Variants in HIP1 observed in about 807,000 individuals in gnomAD.
The protein encoded by HIP1 is huntingtin-interacting protein 1.
HIP1 carries 65 observed loss-of-function variants against 147.6 expected under a neutral mutation model. The ratio of observed to expected loss-of-function variants is 0.44; its 90% CI spans 0.36 to 0.54. The LOEUF (loss-of-function observed/expected upper bound fraction) is 0.54. Among genes scored for constraint, HIP1 ranks in the 20% least tolerant of loss-of-function variants. HIP1 has a pLI of 0.00. For missense variants in HIP1, 1,061 were observed against 1,299.6 expected, an observed-to-expected ratio of 0.82 and a Z score of 2.82; for synonymous variants, 479 against 504.0, an observed-to-expected ratio of 0.95 and a Z score of 0.67.
chr7:75,556,241 A>G (rs1241413202), intron 17 of HIP1, 72 bp from the exon 18 acceptor site: 3 of 1,549,014 alleles, frequency 1.9e-6, no homozygotes, highest in Non-Finnish European at 2.6e-6. Context: ...CAGAGGTCCA[A>G]CCCACCACCG....
At chr7:75,731,401 T>A (rs1801831893) in intron 1 of HIP1, among the ~76,000 whole-genome samples, 1 of 145,968 alleles carries the variant, frequency 6.9e-6, no homozygotes, top group African/African-American at 2.6e-5. Context: ...GAGAACCACT[T>A]GAACCCAGGA....
chr7:75,688,618 A>G (rs1554517824), intron 1 of HIP1, among the ~76,000 whole-genome samples: 2 of 151,910 alleles, frequency 1.3e-5, no homozygotes, highest in African/African-American at 4.8e-5. Flanking sequence ...TCTGGCCCCG[A>G]GCCCACCACC....
intron 1 of HIP1, among the ~76,000 whole-genome samples, chr7:75,659,402 TA>T (rs1799236647): frequency 6.6e-6 from 1 of 152,236 alleles, no homozygotes; most frequent in Non-Finnish European, 1.5e-5. Context: ...CTTACACCTG[TA>T]ATCCCAGCAC....
At chr7:75,557,803 G>A in intron 15 of HIP1, 33 bp from the exon 16 acceptor site, 2 of 1,511,292 alleles carry the variant, frequency 1.3e-6, no homozygotes, top group Middle Eastern at 1.7e-4. Context: ...TGAACCAGGA[G>A]ATCCCAGGCT....
At chr7:75,687,836 CCCTACT>C (rs1800317984) in intron 1 of HIP1, among the ~76,000 whole-genome samples, 2 of 152,270 alleles carry the variant, frequency 1.3e-5, no homozygotes, top group Admixed American at 1.3e-4. Flanking sequence ...TCTTCCCAGC[CCCTACT>C]CCTGAACCCT....
intron 2 of HIP1, among the ~76,000 whole-genome samples, chr7:75,597,770 C>G (rs1796802134): frequency 1.4e-5 from 2 of 140,436 alleles, no homozygotes; most frequent in South Asian, 4.7e-4. Context: ...CCCAACTCTG[C>G]TTGCCCGGAA....
At chr7:75,629,660 A>C (rs1317407113) in intron 1 of HIP1, among the ~76,000 whole-genome samples, 42 of 151,768 alleles carry the variant, frequency 2.8e-4, no homozygotes, top group Non-Finnish European at 8.8e-5. Flanking sequence ...CTCGTGCCTC[A>C]GCCTCCTGAA....
In HIP1 at chr7:75,536,284, G is replaced by A. The variant is rs1436243013; in HGVS notation, c.*1888C>T. On this transcript the variant is annotated 3_prime_UTR_variant, in exon 31 of 31. Coordinates refer to ENST00000336926, the MANE Select transcript of HIP1 (RefSeq NM_005338.7). ...GTCACACGTCTGAGTATGGTCATCC[G>A]AGGTCCTGGGAGAGAGTTTTTTGAA... 1.0e-5 allele frequency: 2 copies of A among 195,534 alleles called. No homozygotes were observed. Among genetic ancestry groups the A allele is most frequent in the Admixed American group, 6.5e-5 (1 of 15,418 alleles). 12.1% of individuals were successfully genotyped at this position (195,534 alleles called of 1,614,324 possible). A position where few individuals can be genotyped will look rare whatever the true frequency, so the allele number is the denominator to read the frequency against.
chr7:75,682,231 C>G (rs1245085157), intron 1 of HIP1, among the ~76,000 whole-genome samples: 1 of 151,454 alleles, frequency 6.6e-6, no homozygotes, highest in African/African-American at 2.4e-5. Flanking sequence ...GCTGGGATTT[C>G]AGGCATGAGT....
At chr7:75,728,520 C>T (rs62477609) in intron 1 of HIP1, among the ~76,000 whole-genome samples, 3 of 152,118 alleles carry the variant, frequency 2.0e-5, no homozygotes, top group Admixed American at 1.3e-4. Flanking sequence ...CCCAGGTCTC[C>T]GCCACACCTC....
At chr7:75,602,304 T>C (rs1373847433) in intron 1 of HIP1, among the ~76,000 whole-genome samples, 5 of 53,394 alleles carry the variant, frequency 9.4e-5, no homozygotes, top group Admixed American at 5.9e-4. Flanking sequence ...CCTGGCCAGC[T>C]TTTTTTTTTT....
chr7:75,709,804 C>T (rs1373854167), intron 1 of HIP1, among the ~76,000 whole-genome samples: 5 of 152,240 alleles, frequency 3.3e-5, no homozygotes, highest in Admixed American at 2.0e-4. Flanking sequence ...TTGAATGTGA[C>T]GTCTGCTGTG....
At position 75,559,760 on chromosome 7, in the gene HIP1, C is replaced by A; in HGVS notation, c.1347G>T (p.Lys449Asn). Reference sequence around the variant, plus strand: ...CTATCTCAGACAGGCTCCGCTGAGCCTTCTCGGTGTCCTCCCGCTGCCTCC... The same window carrying A: ...CTATCTCAGACAGGCTCCGCTGAGCATTCTCGGTGTCCTCCCGCTGCCTCC... Reference protein sequence around the residue: ...ELRRQREDTEKAQRSLSEIER... With the variant: ...ELRRQREDTENAQRSLSEIER... Residue 449 changes from lysine to asparagine, a missense_variant, in exon 14 of 31, where the codon AAG (lysine) becomes AAT (asparagine). Lys to Asn is a moderately conservative substitution (Grantham distance 94, BLOSUM62 0). Around this residue, in one of 3 missense-constraint regions of HIP1, gnomAD observed 810 missense variants for 946.8 expected, o/e 0.86. Coordinates refer to ENST00000336926, the MANE Select transcript of HIP1 (RefSeq NM_005338.7). 6.2e-7 allele frequency: 1 copy of A among 1,604,088 alleles called. No homozygotes were observed. The highest frequency in any genetic ancestry group is 8.5e-7 in the Non-Finnish European group (1 of 1,177,898).
intron 14 of HIP1, among the ~76,000 whole-genome samples, chr7:75,558,642 C>A (rs1795109615): frequency 6.6e-6 from 1 of 152,152 alleles, no homozygotes; most frequent in African/African-American, 2.4e-5. Flanking sequence ...TTTAGGAATG[C>A]ATATATGCTT....
intron 7 of HIP1, among the ~76,000 whole-genome samples, chr7:75,576,050 G>T (rs139429154): frequency 6.6e-6 from 1 of 152,112 alleles, no homozygotes; most frequent in Non-Finnish European, 1.5e-5. Context: ...CAGGAACCAC[G>T]GGCTGTTCCA....
rs148737901 is a variant in HIP1, at chr7:75,666,750, G to A, written c.121-67503C>T. 1.4e-4 allele frequency among the ~76,000 whole-genome samples: 22 copies of A among 152,212 alleles called. No individual in the cohort carries two copies. The East Asian group carries it at 2.9e-3, about 20-fold the overall frequency. On this transcript the variant is annotated intron_variant, in intron 1 of 30. Transcript: ENST00000336926. Reference sequence around the variant, plus strand: ...GTGTTTCAGACACGGAACAGTTCCCGACCCCAAGAACGCAGATCACCTGGG... The same window carrying A: ...GTGTTTCAGACACGGAACAGTTCCCAACCCCAAGAACGCAGATCACCTGGG...
chr7:75,553,855 C>T (rs952663733), intron 21 of HIP1, among the ~76,000 whole-genome samples: 4 of 152,200 alleles, frequency 2.6e-5, no homozygotes, highest in South Asian at 2.1e-4. Flanking sequence ...CTGCCCACCT[C>T]GTCCTCCCAA....
At chr7:75,735,881 T>A (rs1473401208) in intron 1 of HIP1, among the ~76,000 whole-genome samples, 2 of 151,652 alleles carry the variant, frequency 1.3e-5, no homozygotes, top group African/African-American at 4.8e-5. Flanking sequence ...AGAGATGGGG[T>A]CTTACTATGT....
intron 1 of HIP1, among the ~76,000 whole-genome samples, chr7:75,644,531 G>A (rs1312485511): frequency 6.6e-6 from 1 of 152,118 alleles, no homozygotes; most frequent in Non-Finnish European, 1.5e-5. Flanking sequence ...CTGACCTCAG[G>A]TGATCCGCCT....
Sources: gnomAD v4.1 joint callset for allele counts (sites outside exome capture counted in the v4.1 genomes callset) on GRCh38, gnomAD v4.1.1 for gene constraint, gnomAD v4.1.1 regional missense constraint, MANE v1.5 for transcripts, NCBI Gene and HGNC (gene_info 2026-07-23, HGNC 2026-07-21) for gene names.